Variants in SGCZ observed in about 807,000 individuals in gnomAD.
SGCZ encodes the protein zeta-sarcoglycan.
SGCZ carries 40 observed loss-of-function variants against 41.3 expected under a neutral mutation model. The ratio of observed to expected loss-of-function variants is 0.97; its 90% confidence interval spans 0.75 to 1.26. The LOEUF (loss-of-function observed/expected upper bound fraction) is 1.26, where lower values mean the gene tolerates loss of function less well. Ranked by LOEUF, SGCZ falls within the 50% of genes most tolerant of loss-of-function variation. The pLI is 0.00. For missense variants in SGCZ, 552 were observed against 369.8 expected, an observed-to-expected ratio of 1.49 and a Z score of -4.04; for synonymous variants, 206 against 137.5, an observed-to-expected ratio of 1.50 and a Z score of -3.49.
At chr8:14,450,946 T>G (rs1459100246) in intron 2 of SGCZ, among the ~76,000 whole-genome samples, 3 of 152,180 alleles carry the variant, frequency 2.0e-5, no homozygotes, top group Admixed American at 6.6e-5. Context: ...ATGGTAGATT[T>G]ATGAATATTC....
intron 2 of SGCZ, among the ~76,000 whole-genome samples, chr8:14,353,120 G>C (rs543063412): frequency 6.6e-6 from 1 of 151,820 alleles, no homozygotes; most frequent in Non-Finnish European, 1.5e-5. Flanking sequence ...CTATGACCTT[G>C]GGCAAGTTAC....
chr8:14,856,766 G>C (rs1420140753), intron 1 of SGCZ, among the ~76,000 whole-genome samples: 2 of 152,132 alleles, frequency 1.3e-5, no homozygotes, highest in Non-Finnish European at 2.9e-5. Context: ...GGTTTTACAA[G>C]CACAGGTTTA....
intron 1 of SGCZ, among the ~76,000 whole-genome samples, chr8:15,113,043 C>A (rs1807129918): frequency 6.6e-6 from 1 of 151,732 alleles, no homozygotes; most frequent in African/African-American, 2.4e-5. Flanking sequence ...AACCTGTCTC[C>A]ACAAAAAATA....
chr8:14,325,493 T>G (rs1422731581), intron 2 of SGCZ, among the ~76,000 whole-genome samples: 1 of 147,802 alleles, frequency 6.8e-6, no homozygotes, highest in Non-Finnish European at 1.5e-5. Context: ...ATATAATAGA[T>G]TATATATAAT....
intron 1 of SGCZ, among the ~76,000 whole-genome samples, chr8:15,112,362 T>C (rs1807102776): frequency 6.6e-6 from 1 of 152,266 alleles, no homozygotes; most frequent in Non-Finnish European, 1.5e-5. Context: ...CTTCTGCTAG[T>C]AGCTTGCTTT....
At chr8:14,953,038 A>G (rs922730536) in intron 1 of SGCZ, among the ~76,000 whole-genome samples, 1 of 152,178 alleles carries the variant, frequency 6.6e-6, no homozygotes, top group Non-Finnish European at 1.5e-5. Context: ...GTGAATAAGC[A>G]TAGGCATACA....
At chr8:14,632,147 T>C (rs1001936015) in intron 1 of SGCZ, among the ~76,000 whole-genome samples, 9 of 152,026 alleles carry the variant, frequency 5.9e-5, no homozygotes, top group African/African-American at 2.2e-4. Flanking sequence ...GCCACCTGAA[T>C]AGCTGGGACT....
chr8:14,662,310 G>A (rs140674431), intron 1 of SGCZ, among the ~76,000 whole-genome samples: 1 of 152,256 alleles, frequency 6.6e-6, no homozygotes, highest in East Asian at 1.9e-4. Flanking sequence ...TGATTTGTCT[G>A]TTTCTGTGAT....
intron 1 of SGCZ, among the ~76,000 whole-genome samples, chr8:15,178,020 C>T (rs1800051758): frequency 6.6e-6 from 1 of 152,128 alleles, no homozygotes; most frequent in Admixed American, 6.5e-5. Context: ...CCTGTAAGCC[C>T]CATGCTTGGG....
At chr8:15,082,183 C>G (rs1047283398) in intron 1 of SGCZ, among the ~76,000 whole-genome samples, 1 of 151,452 alleles carries the variant, frequency 6.6e-6, no homozygotes, top group African/African-American at 2.4e-5. Flanking sequence ...GAGCCGAGAT[C>G]GTGACAATGC....
At chr8:15,190,630 T>C (rs1800504253) in intron 1 of SGCZ, among the ~76,000 whole-genome samples, 1 of 151,658 alleles carries the variant, frequency 6.6e-6, no homozygotes, top group South Asian at 2.1e-4. Flanking sequence ...GTTTTTCAGA[T>C]AGTTTCAGAG....
At chr8:14,789,617 C>A (rs1197034330) in intron 1 of SGCZ, among the ~76,000 whole-genome samples, 2 of 152,164 alleles carry the variant, frequency 1.3e-5, no homozygotes, top group African/African-American at 2.4e-5. Context: ...GATTCTCTCC[C>A]TATTCAAGTG....
At chr8:14,763,651 C>T (rs1022441499) in intron 1 of SGCZ, among the ~76,000 whole-genome samples, 4 of 152,000 alleles carry the variant, frequency 2.6e-5, no homozygotes, top group Admixed American at 6.6e-5. Flanking sequence ...TTAGTGAGCC[C>T]CTGGAGATAT....
At chr8:15,010,502 T>C (rs1224502038) in intron 1 of SGCZ, among the ~76,000 whole-genome samples, 1 of 152,174 alleles carries the variant, frequency 6.6e-6, no homozygotes, top group Non-Finnish European at 1.5e-5. Flanking sequence ...TGAGAAGTGA[T>C]TTAAATTAAA....
intron 1 of SGCZ, among the ~76,000 whole-genome samples, chr8:14,689,646 A>G (rs1042351240): frequency 6.6e-6 from 1 of 152,216 alleles, no homozygotes; most frequent in African/African-American, 2.4e-5. Flanking sequence ...TTTGCCCTAC[A>G]GAAATCTGTT....
At chr8:14,891,318 G>C (rs1473441694) in intron 1 of SGCZ, among the ~76,000 whole-genome samples, 1 of 152,178 alleles carries the variant, frequency 6.6e-6, no homozygotes, top group East Asian at 1.9e-4. Flanking sequence ...GGTCAAAATA[G>C]AAACATTAAC....
intron 1 of SGCZ, among the ~76,000 whole-genome samples, chr8:14,849,395 C>CT (rs893129079): frequency 4.8e-4 from 73 of 150,724 alleles, no homozygotes; most frequent in African/African-American, 1.0e-3. Context: ...TTCATAGCAG[C>CT]TTTTTTTTTG....
At chr8:14,177,964 T>C (rs1458200506) in intron 4 of SGCZ, among the ~76,000 whole-genome samples, 5 of 137,838 alleles carry the variant, frequency 3.6e-5, no homozygotes, top group Admixed American at 1.5e-4. Flanking sequence ...TTTTCTTTTT[T>C]TTTTTTTTTT....
intron 2 of SGCZ, among the ~76,000 whole-genome samples, chr8:14,540,860 C>A (rs913481342): frequency 6.6e-6 from 1 of 151,556 alleles, no homozygotes; most frequent in Non-Finnish European, 1.5e-5. Flanking sequence ...TGGAGATTTT[C>A]TTATTCATGA....
Sources: gnomAD v4.1 joint callset for allele counts (sites outside exome capture counted in the v4.1 genomes callset) on GRCh38, gnomAD v4.1.1 for gene constraint, MANE v1.5 for transcripts, NCBI Gene and HGNC (gene_info 2026-07-23, HGNC 2026-07-21) for gene names.